Variants in RELN observed in about 807,000 individuals in gnomAD.
The protein encoded by RELN is reelin.
In RELN, 108 loss-of-function variants were observed where a neutral mutation model predicts 427.6. That is an observed-to-expected ratio of 0.25 (90% CI 0.22 to 0.30). RELN has a LOEUF of 0.30. RELN is among the 10% of genes least tolerant of loss of function. RELN has a pLI of 1.00. For missense variants in RELN, 3,715 were observed against 4,302.8 expected, an observed-to-expected ratio of 0.86 and a Z score of 3.82; for synonymous variants, 1,524 against 1,513.4, an observed-to-expected ratio of 1.01 and a Z score of -0.16.
chr7:103,715,933 T>C (rs1334805256), intron 8 of RELN, among the ~76,000 whole-genome samples: 1 of 152,216 alleles, frequency 6.6e-6, no homozygotes, highest in Non-Finnish European at 1.5e-5. Flanking sequence ...TACACCCGAA[T>C]GCTCATGCCT....
intron 5 of RELN, among the ~76,000 whole-genome samples, chr7:103,750,481 T>C (rs1204126939): frequency 6.6e-6 from 1 of 152,210 alleles, no homozygotes; most frequent in African/African-American, 2.4e-5. Flanking sequence ...ATTAGCAGCG[T>C]GAGAATGAAC....
chr7:103,726,110 T>C (rs1391811196), intron 7 of RELN, among the ~76,000 whole-genome samples: 1 of 152,224 alleles, frequency 6.6e-6, no homozygotes, highest in Admixed American at 6.5e-5. Flanking sequence ...AGTCACAAAG[T>C]ACCATGCAAA....
intron 19 of RELN, among the ~76,000 whole-genome samples, chr7:103,631,326 C>A (rs1055517224): frequency 9.8e-6 from 1 of 102,052 alleles, no homozygotes; most frequent in Non-Finnish European, 1.8e-5. Context: ...TGGAGTCTTG[C>A]GCTGTTGCCC....
intron 10 of RELN, among the ~76,000 whole-genome samples, chr7:103,688,991 A>T (rs1223133856): frequency 6.6e-6 from 1 of 152,146 alleles, no homozygotes; most frequent in African/African-American, 2.4e-5. Context: ...GTAGTAGTAG[A>T]GGAAACATTA....
intron 28 of RELN, among the ~76,000 whole-genome samples, chr7:103,584,829 T>C (rs752792203): frequency 6.6e-6 from 1 of 152,162 alleles, no homozygotes; most frequent in Non-Finnish European, 1.5e-5. Context: ...CAAGTCTCAA[T>C]AAATTTTTAA....
At chr7:103,593,613 T>A (rs2117248342) in intron 27 of RELN, 69 bp downstream of exon 27, 1 of 1,340,622 alleles carries the variant, frequency 7.5e-7, no homozygotes. Flanking sequence ...TCTTTGTGAG[T>A]TCCACTTATA....
At chr7:103,520,885 A>T (rs1347479612) in intron 48 of RELN, among the ~76,000 whole-genome samples, 1 of 150,984 alleles carries the variant, frequency 6.6e-6, no homozygotes, top group African/African-American at 2.4e-5. Context: ...TAAATAATAC[A>T]CTTCATTGGC....
intron 2 of RELN, among the ~76,000 whole-genome samples, chr7:103,884,063 G>A (rs1794669773): frequency 6.6e-6 from 1 of 152,108 alleles, no homozygotes; most frequent in Admixed American, 6.5e-5. Context: ...AAAACAGCAT[G>A]GTACTGGTAC....
chr7:103,918,466 G>A (rs1294488854), intron 1 of RELN, among the ~76,000 whole-genome samples: 1 of 152,138 alleles, frequency 6.6e-6, no homozygotes, highest in African/African-American at 2.4e-5. Context: ...CATCTAAAAT[G>A]TTTTGATGCT....
At chr7:103,585,418 T>A (rs942123454) in intron 28 of RELN, among the ~76,000 whole-genome samples, 1 of 152,116 alleles carries the variant, frequency 6.6e-6, no homozygotes, top group Non-Finnish European at 1.5e-5. Context: ...GAGACTCCTA[T>A]GAACATCTCT....
At chr7:103,591,326 G>A (rs530406782) in intron 27 of RELN, among the ~76,000 whole-genome samples, 1 of 152,274 alleles carries the variant, frequency 6.6e-6, no homozygotes, top group Non-Finnish European at 1.5e-5. Context: ...AAAATAAAGG[G>A]AGAGACATGG....
At chr7:103,958,729 T>A (rs1300507964) in intron 1 of RELN, among the ~76,000 whole-genome samples, 3 of 152,146 alleles carry the variant, frequency 2.0e-5, no homozygotes, top group Non-Finnish European at 4.4e-5. Context: ...TCTTACTGAA[T>A]TGAGATTAAA....
chr7:103,803,991 C>A (rs891490933), intron 3 of RELN, among the ~76,000 whole-genome samples: 9 of 152,042 alleles, frequency 5.9e-5, no homozygotes, highest in Admixed American at 5.2e-4. Context: ...TGTTTAAGAT[C>A]TTCAAATGAC....
At position 103,917,201 on chromosome 7, in the gene RELN, G is replaced by C. The variant is rs371516960; in HGVS notation, c.227-16C>G. The C allele has an allele frequency of 1.4e-5, 20 of 1,457,246 alleles. No individual in the cohort carries two copies. Among genetic ancestry groups the C allele is most frequent in the Non-Finnish European group, 1.8e-5 (19 of 1,070,832 alleles). 90.3% of individuals were successfully genotyped at this position (1,457,246 alleles called of 1,614,324 possible). On this transcript the variant is annotated splice_polypyrimidine_tract_variant and intron_variant, in intron 1 of 64. Transcript: ENST00000428762. ...GAAATTGTCACTGAAATGTAAGAAA[G>C]AAAAAAAAAACTCTCAATACAGTCA...
intron 41 of RELN, among the ~76,000 whole-genome samples, chr7:103,550,650 A>ATTTTTT (rs1830390512): frequency 6.8e-6 from 1 of 147,514 alleles, no homozygotes. Flanking sequence ...CACCAGGAAT[A>ATTTTTT]TTCTGTGGGC....
At chr7:103,492,632 T>A (rs1000313454) in intron 57 of RELN, among the ~76,000 whole-genome samples, 1 of 152,172 alleles carries the variant, frequency 6.6e-6, no homozygotes, top group African/African-American at 2.4e-5. Context: ...AAGGTTAGTG[T>A]TAAAAATTTC....
chr7:103,966,350 C>T (rs1796660747), intron 1 of RELN, among the ~76,000 whole-genome samples: 2 of 152,128 alleles, frequency 1.3e-5, no homozygotes, highest in South Asian at 2.1e-4. Flanking sequence ...CTCACCCAGA[C>T]CGAAACAATT....
chr7:103,987,086 A>AAAAAC (rs1797117829), intron 1 of RELN, among the ~76,000 whole-genome samples: 1 of 150,760 alleles, frequency 6.6e-6, no homozygotes, highest in South Asian at 2.1e-4. Context: ...AAAAAAAAAA[A>AAAAAC]AAAAACTCTT....
intron 24 of RELN, among the ~76,000 whole-genome samples, chr7:103,597,762 A>G (rs1330273860): frequency 6.6e-6 from 1 of 152,212 alleles, no homozygotes; most frequent in African/African-American, 2.4e-5. Context: ...CCTGAAATCC[A>G]AGAACTTGCT....
Sources: gnomAD v4.1 joint callset for allele counts (sites outside exome capture counted in the v4.1 genomes callset) on GRCh38, gnomAD v4.1.1 for gene constraint, MANE v1.5 for transcripts, NCBI Gene and HGNC (gene_info 2026-07-23, HGNC 2026-07-21) for gene names.